The following CRYBG1 variants were observed in gnomAD, a reference collection of about 807,000 sequenced individuals.
CRYBG1 encodes the protein crystallin beta-gamma domain containing 1.
In CRYBG1, 139 loss-of-function variants were observed where a neutral mutation model predicts 189.2. That is an observed-to-expected ratio of 0.73 (90% CI 0.64 to 0.85). The LOEUF (loss-of-function observed/expected upper bound fraction) is 0.85. Ranked by LOEUF, CRYBG1 falls within the 40% of genes least tolerant of loss-of-function variation. The probability of loss-of-function intolerance (pLI) is 0.00; values close to 1 mark genes in which losing one functional copy is unlikely to be tolerated. For missense variants in CRYBG1, 2,611 were observed against 2,675.8 expected (o/e 0.98, Z 0.53); for synonymous variants, 1,023 against 1,017.1 (o/e 1.01, Z -0.11).
chr6:106,488,103 T>C (rs1582791151), intron 2 of CRYBG1, among the ~76,000 whole-genome samples: 1 of 152,186 alleles, frequency 6.6e-6, no homozygotes, highest in East Asian at 1.9e-4. Context: ...TGTGATTAGC[T>C]CAGTGTCCCA....
At chr6:106,564,220 T>C (rs1774807817) in intron 21 of CRYBG1, among the ~76,000 whole-genome samples, 1 of 152,160 alleles carries the variant, frequency 6.6e-6, no homozygotes, top group African/African-American at 2.4e-5. Context: ...GGTTGGCCAG[T>C]TTGGCCACAA....
At chr6:106,452,800 A>G (rs1771810189) in intron 2 of CRYBG1, among the ~76,000 whole-genome samples, 1 of 152,218 alleles carries the variant, frequency 6.6e-6, no homozygotes, top group Non-Finnish European at 1.5e-5. Context: ...GTAGAAAGAC[A>G]TTACTCATGC....
intron 2 of CRYBG1, among the ~76,000 whole-genome samples, chr6:106,452,051 A>G (rs1014300662): frequency 6.8e-6 from 1 of 147,726 alleles, no homozygotes; most frequent in African/African-American, 2.5e-5. Context: ...TATGTAATCT[A>G]TTTTTATATA....
intron 2 of CRYBG1, among the ~76,000 whole-genome samples, chr6:106,493,147 G>A (rs944229940): frequency 1.3e-5 from 2 of 151,808 alleles, no homozygotes; most frequent in East Asian, 3.8e-4. Context: ...TATCTTTTTT[G>A]TATAACCCTT....
chr6:106,366,158 T>C (rs1771994945), intron 1 of CRYBG1, among the ~76,000 whole-genome samples: 1 of 152,220 alleles, frequency 6.6e-6, no homozygotes, highest in Non-Finnish European at 1.5e-5. Context: ...AAATTGATTC[T>C]AGTTTCCAGT....
chr6:106,426,092 T>C (rs1251451387), intron 1 of CRYBG1, among the ~76,000 whole-genome samples: 1 of 152,038 alleles, frequency 6.6e-6, no homozygotes, highest in African/African-American at 2.4e-5. Context: ...ATGCCCTTGC[T>C]TTTTATTCTG....
chr6:106,543,368 A>T, intron 10 of CRYBG1, 72 bp from the exon 11 acceptor site: 1 of 1,441,828 alleles, frequency 6.9e-7, no homozygotes, highest in Non-Finnish European at 9.6e-7. Context: ...TAGTGATATT[A>T]AATGACTGAT....
intron 2 of CRYBG1, among the ~76,000 whole-genome samples, chr6:106,501,308 A>G (rs892001062): frequency 1.3e-5 from 2 of 152,176 alleles, no homozygotes; most frequent in African/African-American, 4.8e-5. Context: ...TCCATACCTT[A>G]TGAGCTGCAA....
chr6:106,485,594 T>C (rs58100539), intron 2 of CRYBG1, among the ~76,000 whole-genome samples: 18,465 of 152,252 alleles, frequency 0.12, 1,315 homozygotes, highest in East Asian at 0.27. Context: ...GTTTCATACA[T>C]TCAGTATGAT....
At chr6:106,441,582 T>C (rs1272767744) in intron 1 of CRYBG1, among the ~76,000 whole-genome samples, 1 of 152,204 alleles carries the variant, frequency 6.6e-6, no homozygotes, top group Non-Finnish European at 1.5e-5. Flanking sequence ...CACCAGTTAA[T>C]TGAACTAATT....
intron 1 of CRYBG1, among the ~76,000 whole-genome samples, chr6:106,433,718 A>AATAT (rs746712213): frequency 3.1e-5 from 2 of 64,948 alleles, no homozygotes; most frequent in African/African-American, 1.0e-4. Context: ...GAAACTGGGA[A>AATAT]ATATATATAT....
intron 2 of CRYBG1, among the ~76,000 whole-genome samples, chr6:106,482,498 A>G (rs1387131969): frequency 1.1e-4 from 16 of 152,160 alleles, no homozygotes; most frequent in Admixed American, 7.9e-4. Context: ...TCTTCTGGCC[A>G]GGCATGGTGG....
chr6:106,375,236 A>G (rs1012649198), intron 1 of CRYBG1, among the ~76,000 whole-genome samples: 15 of 151,390 alleles, frequency 9.9e-5, no homozygotes, highest in Non-Finnish European at 1.9e-4. Context: ...AATTTTTGAA[A>G]TTAGCCAGGC....
At chr6:106,565,892 AAG>A (rs1774871034) in intron 21 of CRYBG1, among the ~76,000 whole-genome samples, 1 of 152,356 alleles carries the variant, frequency 6.6e-6, no homozygotes, top group East Asian at 1.9e-4. Flanking sequence ...CAGTGTTGAC[AAG>A]AGTTTCAAAA....
chr6:106,422,585 C>T (rs1052429155), intron 1 of CRYBG1, among the ~76,000 whole-genome samples: 1 of 151,644 alleles, frequency 6.6e-6, no homozygotes, highest in Non-Finnish European at 1.5e-5. Context: ...CACCCCCCTC[C>T]CAGCCTCCCA....
intron 1 of CRYBG1, among the ~76,000 whole-genome samples, chr6:106,362,290 A>C (rs1771893519): frequency 6.6e-6 from 1 of 152,120 alleles, no homozygotes; most frequent in Admixed American, 6.5e-5. Flanking sequence ...TTGTAAAAAA[A>C]GTCAATTTTA....
chr6:106,563,979 A>C, intron 21 of CRYBG1, 53 bp downstream of exon 21: 1 of 1,529,608 alleles, frequency 6.5e-7, no homozygotes, highest in Non-Finnish European at 9.0e-7. Flanking sequence ...TCTTTTAGTT[A>C]AGGAAAAATC....
chr6:106,435,815 C>G (rs528580584), intron 1 of CRYBG1, among the ~76,000 whole-genome samples: 104 of 152,194 alleles, frequency 6.8e-4, no homozygotes, highest in African/African-American at 2.5e-3. Flanking sequence ...ACCTTAAGCA[C>G]TTTGGCCTCC....
chr6:106,484,691 A>AT (rs905410420), intron 2 of CRYBG1, among the ~76,000 whole-genome samples: 22 of 150,372 alleles, frequency 1.5e-4, no homozygotes, highest in African/African-American at 2.4e-4. Flanking sequence ...GAATTGTAGA[A>AT]TTTTTTTTTT....
Sources: gnomAD v4.1 joint callset for allele counts (sites outside exome capture counted in the v4.1 genomes callset) on GRCh38, gnomAD v4.1.1 for gene constraint, MANE v1.5 for transcripts, NCBI Gene and HGNC (gene_info 2026-07-23, HGNC 2026-07-21) for gene names.